The following FAT3 variants were observed in gnomAD, a reference collection of about 807,000 sequenced individuals.
The protein encoded by FAT3 is protocadherin Fat 3.
FAT3 carries 95 observed loss-of-function variants against 310.2 expected under a neutral mutation model. That is an observed-to-expected ratio of 0.31 (90% CI 0.26 to 0.36). The LOEUF is 0.36. Among genes scored for constraint, FAT3 ranks in the 10% least tolerant of loss-of-function variants. The pLI is 1.00. For missense variants in FAT3, 5,408 were observed against 5,715.6 expected (o/e 0.95, Z 1.74); for synonymous variants, 2,314 against 2,192.9 (o/e 1.06, Z -1.54).
At chr11:92,851,276 T>G (rs1262127014) in intron 19 of FAT3, among the ~76,000 whole-genome samples, 1 of 152,180 alleles carries the variant, frequency 6.6e-6, no homozygotes, top group African/African-American at 2.4e-5. Context: ...CTGGGTCAAA[T>G]TAGTGTTTCT....
At chr11:92,864,090 A>G (rs1949180494) in intron 21 of FAT3, among the ~76,000 whole-genome samples, 1 of 152,222 alleles carries the variant, frequency 6.6e-6, no homozygotes, top group Non-Finnish European at 1.5e-5. Flanking sequence ...TTAGTATGAG[A>G]TAATTTTATG....
At chr11:92,820,755 A>C (rs2136233963) in intron 13 of FAT3, among the ~76,000 whole-genome samples, 1 of 152,272 alleles carries the variant, frequency 6.6e-6, no homozygotes, top group African/African-American at 2.4e-5. Context: ...ATCCATAGAA[A>C]CCATGAAATA....
At chr11:92,500,657 C>T (rs1254375862) in intron 2 of FAT3, among the ~76,000 whole-genome samples, 1 of 151,982 alleles carries the variant, frequency 6.6e-6, no homozygotes, top group East Asian at 1.9e-4. Flanking sequence ...CACACATCAG[C>T]ATTCAGGAAT....
At chr11:92,816,648 C>T (rs1947833281) in intron 13 of FAT3, among the ~76,000 whole-genome samples, 1 of 152,174 alleles carries the variant, frequency 6.6e-6, no homozygotes, top group Admixed American at 6.5e-5. Flanking sequence ...GAAAGTTAGC[C>T]TCAAGGGTGT....
At chr11:92,303,043 A>C (rs2134430465) in intron 1 of FAT3, among the ~76,000 whole-genome samples, 1 of 152,202 alleles carries the variant, frequency 6.6e-6, no homozygotes, top group East Asian at 1.9e-4. Flanking sequence ...TTGCGGTGTG[A>C]ATCAAAGATG....
chr11:92,855,205 G>T (rs552010031), intron 19 of FAT3, among the ~76,000 whole-genome samples: 1 of 152,320 alleles, frequency 6.6e-6, no homozygotes, highest in South Asian at 2.1e-4. Context: ...TGGTAGGGTT[G>T]TGAACTTATT....
Position 92,866,848 on chromosome 11 carries a change from G to C in FAT3, c.11766G>C (p.Leu3922=), listed in dbSNP as rs2136348211. 1.2e-6 allele frequency: 2 copies of C among 1,613,930 alleles called. No homozygotes were observed. Among genetic ancestry groups the C allele is most frequent in the Non-Finnish European group, 1.7e-6 (2 of 1,179,876 alleles). ...VNDGSWHSVF[L]ELNRNFTSLS... is the part of the protein sequence containing the mutation. ...ACGGGAGCTGGCACTCGGTCTTCCT[G>C]GAGCTCAACCGCAATTTCACGAGCC... Residue 3922 remains leucine, a synonymous_variant, in exon 22 of 28, where the codon CTG becomes CTC. Coordinates refer to ENST00000525166, the MANE Select transcript of FAT3 (RefSeq NM_001367949.2).
chr11:92,799,580 C>G lies in FAT3; in HGVS notation c.6567C>G (p.Pro2189=), dbSNP rs750842359. The G allele has an allele frequency of 6.2e-7, 1 of 1,613,776 alleles. No homozygotes were observed. The highest frequency in any genetic ancestry group is 1.1e-5 in the South Asian group (1 of 91,038). Residue 2189 remains proline, a synonymous_variant, in exon 10 of 28, where the codon CCC becomes CCG. Transcript: ENST00000525166. ...VNKAMPVFDK[P]FYTASVNEDI... is the part of the protein sequence containing the mutation. ...AAGCAATGCCTGTGTTTGATAAGCC[C>G]TTTTATACAGCATCTGTCAATGAAG...
intron 1 of FAT3, among the ~76,000 whole-genome samples, chr11:92,242,614 G>A (rs1590995980): frequency 6.6e-6 from 1 of 151,918 alleles, no homozygotes; most frequent in African/African-American, 2.4e-5. Flanking sequence ...AAGATCTGTG[G>A]ATGAAATGAG....
intron 1 of FAT3, among the ~76,000 whole-genome samples, chr11:92,310,352 T>C (rs1230146407): frequency 6.6e-6 from 1 of 152,212 alleles, no homozygotes; most frequent in East Asian, 1.9e-4. Flanking sequence ...AGTGTGGGAA[T>C]ACACATGTTG....
intron 3 of FAT3, among the ~76,000 whole-genome samples, chr11:92,529,608 T>C (rs1476493389): frequency 1.3e-5 from 2 of 152,192 alleles, no homozygotes; most frequent in African/African-American, 2.4e-5. Context: ...AAGGAATTAT[T>C]TTAAAGGGAA....
intron 3 of FAT3, among the ~76,000 whole-genome samples, chr11:92,566,832 A>G (rs1270700092): frequency 6.6e-6 from 1 of 152,252 alleles, no homozygotes; most frequent in Non-Finnish European, 1.5e-5. Flanking sequence ...CTGGCTGGCC[A>G]TATGTAGAAA....
intron 1 of FAT3, among the ~76,000 whole-genome samples, chr11:92,227,752 C>CTTTT (rs151286236): frequency 1.3e-4 from 18 of 140,492 alleles, no homozygotes; most frequent in Non-Finnish European, 1.7e-4. Context: ...CTTTCTTCTT[C>CTTTT]TTTTTTTTTT....
intron 2 of FAT3, among the ~76,000 whole-genome samples, chr11:92,358,531 C>T (rs1388279834): frequency 6.6e-6 from 1 of 152,060 alleles, no homozygotes; most frequent in Non-Finnish European, 1.5e-5. Flanking sequence ...CTCTGTATTA[C>T]AGGAAAAAAG....
chr11:92,699,534 GT>G (rs1336280488), intron 4 of FAT3, among the ~76,000 whole-genome samples: 1 of 152,142 alleles, frequency 6.6e-6, no homozygotes, highest in African/African-American at 2.4e-5. Context: ...GAAATGTTTA[GT>G]ATTTTGGAAT....
At chr11:92,460,732 A>T (rs1193228795) in intron 2 of FAT3, among the ~76,000 whole-genome samples, 1 of 152,212 alleles carries the variant, frequency 6.6e-6, no homozygotes, top group Non-Finnish European at 1.5e-5. Context: ...ACATACTCAC[A>T]TGCACAACAC....
At chr11:92,746,515 C>G in intron 4 of FAT3, among the ~76,000 whole-genome samples, 1 of 152,168 alleles carries the variant, frequency 6.6e-6, no homozygotes, top group Non-Finnish European at 1.5e-5. Flanking sequence ...CAAATCATAT[C>G]ATTCCACTTC....
At chr11:92,538,855 A>G (rs1054441053) in intron 3 of FAT3, among the ~76,000 whole-genome samples, 2 of 152,110 alleles carry the variant, frequency 1.3e-5, no homozygotes, top group Non-Finnish European at 2.9e-5. Context: ...TATAATATTT[A>G]TTGGTTGTTT....
At chr11:92,631,137 A>T (rs1445794363) in intron 3 of FAT3, among the ~76,000 whole-genome samples, 2 of 152,158 alleles carry the variant, frequency 1.3e-5, no homozygotes, top group Non-Finnish European at 1.5e-5. Context: ...GAGGGTGGCT[A>T]TTTTGTTTAA....
Sources: gnomAD v4.1 joint callset for allele counts (sites outside exome capture counted in the v4.1 genomes callset) on GRCh38, gnomAD v4.1.1 for gene constraint, MANE v1.5 for transcripts, NCBI Gene and HGNC (gene_info 2026-07-23, HGNC 2026-07-21) for gene names.